Variants in EXOC2 observed in about 807,000 individuals in gnomAD.
The protein encoded by EXOC2 is exocyst complex component 2.
A neutral mutation model predicts 131.8 loss-of-function variants in EXOC2; 70 were observed. The observed-to-expected ratio is 0.53, with a 90% confidence interval of 0.44 to 0.65. The LOEUF is 0.65. Ranked by LOEUF, EXOC2 falls within the 30% of genes least tolerant of loss-of-function variation. The pLI is 0.00. For synonymous variants in EXOC2, 411 were observed against 398.4 expected (o/e 1.03, Z -0.38); for missense variants, 923 against 1,108.6 (o/e 0.83, Z 2.38).
chr6:658,057 T>C (rs1436385458), intron 1 of EXOC2, among the ~76,000 whole-genome samples: 1 of 152,218 alleles, frequency 6.6e-6, no homozygotes, highest in Non-Finnish European at 1.5e-5. Flanking sequence ...GGTACTTTAA[T>C]GTTATCTGTT....
chr6:576,399 T>C (rs1018552839), intron 12 of EXOC2, among the ~76,000 whole-genome samples: 5 of 152,304 alleles, frequency 3.3e-5, no homozygotes, highest in Non-Finnish European at 2.9e-5. Flanking sequence ...TCAAAAAAGG[T>C]ATACTGATAC....
intron 4 of EXOC2, among the ~76,000 whole-genome samples, chr6:623,289 G>A (rs968266605): frequency 2.0e-5 from 3 of 152,186 alleles, no homozygotes; most frequent in Non-Finnish European, 4.4e-5. Context: ...CCCCTACCCG[G>A]ATGCGTCGTT....
At chr6:590,358 G>C (rs1156963389) in intron 11 of EXOC2, among the ~76,000 whole-genome samples, 1 of 152,090 alleles carries the variant, frequency 6.6e-6, no homozygotes, top group Non-Finnish European at 1.5e-5. Context: ...GAGATACCTG[G>C]GTTTTCTTAA....
chr6:684,920 T>A, intron 1 of EXOC2, among the ~76,000 whole-genome samples: 1 of 152,148 alleles, frequency 6.6e-6, no homozygotes, highest in Non-Finnish European at 1.5e-5. Context: ...CTGAACAAAA[T>A]GAGTGATCAC....
intron 1 of EXOC2, among the ~76,000 whole-genome samples, chr6:674,037 T>C (rs986697748): frequency 2.6e-5 from 4 of 152,284 alleles, no homozygotes; most frequent in South Asian, 2.1e-4. Context: ...AAATGAGAAA[T>C]TGAGAACTAC....
chr6:505,777 G>A (rs917661933), intron 23 of EXOC2, among the ~76,000 whole-genome samples: 2 of 152,166 alleles, frequency 1.3e-5, no homozygotes, highest in Non-Finnish European at 2.9e-5. Flanking sequence ...TCTCATCATA[G>A]CCTCAGCTCC....
Position 485,566 on chromosome 6 carries a change from T to C in EXOC2, c.*1105A>G, listed in dbSNP as rs1762997737. On this transcript the variant is annotated 3_prime_UTR_variant, in exon 28 of 28. Coordinates refer to ENST00000230449, the MANE Select transcript of EXOC2 (RefSeq NM_018303.6). Reference sequence around the variant, plus strand: ...CTCTGAAAATTTTCAGATGCGACGGTATGAGGGAGTTGGGTGGGCCGCTGA... The same window carrying C: ...CTCTGAAAATTTTCAGATGCGACGGCATGAGGGAGTTGGGTGGGCCGCTGA... The C allele has an allele frequency of 6.6e-6, 1 of 152,054 alleles. No individual in the cohort carries two copies. Among genetic ancestry groups the C allele is most frequent in the Admixed American group, 6.5e-5 (1 of 15,276 alleles). 9.4% of individuals were successfully genotyped at this position (152,054 alleles called of 1,614,324 possible).
In EXOC2 at chr6:497,509, C is replaced by T; in HGVS notation, c.2437-20G>A. 1 of 1,602,150 alleles carries T rather than the reference C, an allele frequency of 6.2e-7. No individual in the cohort carries two copies. The highest frequency in any genetic ancestry group is 8.5e-7 in the Non-Finnish European group (1 of 1,175,540). On this transcript the variant is annotated intron_variant, in intron 24 of 27. Transcript: ENST00000230449. ...GAACACCTGGTTTGAAATAGGAAGA[C>T]ATGGTGCTTTGTGGGGCTTTTTGAC...
At chr6:551,685 G>T (rs1314808449) in intron 21 of EXOC2, among the ~76,000 whole-genome samples, 1 of 152,138 alleles carries the variant, frequency 6.6e-6, no homozygotes, top group Non-Finnish European at 1.5e-5. Context: ...TCTCCATTCG[G>T]GAGGCCCTCT....
intron 1 of EXOC2, among the ~76,000 whole-genome samples, chr6:663,533 C>G (rs1763508871): frequency 6.6e-6 from 1 of 152,116 alleles, no homozygotes; most frequent in Non-Finnish European, 1.5e-5. Flanking sequence ...ATGCTAAAAT[C>G]CTTAACAAAA....
intron 27 of EXOC2, among the ~76,000 whole-genome samples, chr6:488,206 C>T (rs905282483): frequency 2.0e-5 from 3 of 152,224 alleles, no homozygotes; most frequent in East Asian, 1.9e-4. Flanking sequence ...AGCTCCCCCC[C>T]ATGGCCCAGC....
chr6:502,205 C>G (rs921019143), intron 23 of EXOC2, among the ~76,000 whole-genome samples: 1 of 152,158 alleles, frequency 6.6e-6, no homozygotes, highest in Admixed American at 6.5e-5. Context: ...TTTCGATGCT[C>G]TAAGGAACAG....
In EXOC2 at chr6:656,606, C is replaced by T. The variant is rs765215769; in HGVS notation, c.-43-18745G>A. On this transcript the variant is annotated intron_variant, in intron 1 of 27. Transcript: ENST00000230449. ...GGGACGAGACCAGCTCCACCGCCAC[C>T]GTGAGGGAGGGGCGGCGCTTGTGGG... 2.5e-6 allele frequency: 4 copies of T among 1,597,772 alleles called. No individual in the cohort carries two copies. The South Asian group carries it at 4.5e-5, about 18-fold the overall frequency.
chr6:605,643 C>G (rs1760368030), intron 7 of EXOC2, among the ~76,000 whole-genome samples: 1 of 152,150 alleles, frequency 6.6e-6, no homozygotes, highest in African/African-American at 2.4e-5. Flanking sequence ...CTGATCTTTT[C>G]AAAAGCCAGC....
At position 572,565 on chromosome 6, in the gene EXOC2, G is replaced by C. The variant is rs1430992187; in HGVS notation, c.1398C>G (p.Phe466Leu). The change falls in exon 13 of 28, where the codon TTC becomes TTG. Residue 466 changes from phenylalanine to leucine, a missense_variant. Coordinates refer to ENST00000230449, the MANE Select transcript of EXOC2 (RefSeq NM_018303.6). ...TAACGTAGGAGATCCAGAGTTTCCA[G>C]AAGTTAGGCAGCTGGCTCAAGACGA... The part of the protein sequence containing the change: ...TKLVLSQLPN[F>L]WKLWISYVNG... 1 of 1,614,076 alleles carries C rather than the reference G, an allele frequency of 6.2e-7. No individual in the cohort carries two copies. The highest frequency in any genetic ancestry group is 8.5e-7 in the Non-Finnish European group (1 of 1,180,046).
At position 667,050 on chromosome 6, in the gene EXOC2, C is replaced by T. The variant is rs1236168907; in HGVS notation, c.-44+25969G>A. The stretch of plus-strand genomic sequence containing the variant: ...CACTGGTGTCATTCATTTTAATTAT[C>T]TATAAGCTATAATCACCGTAAGTTT... On this transcript the variant is annotated intron_variant, in intron 1 of 27. Coordinates refer to ENST00000230449, the MANE Select transcript of EXOC2 (RefSeq NM_018303.6). Among the ~76,000 whole-genome samples the T allele has an allele frequency of 3.1e-5, 3 of 96,636 alleles. 1 individual carries two copies. The highest frequency in any genetic ancestry group is 7.3e-5 in the Non-Finnish European group (3 of 40,902). The allele number at this position is 96,636 out of a possible 152,430, so 63.4% of individuals were successfully genotyped here.
chr6:690,129 C>T lies in EXOC2; in HGVS notation c.-44+2890G>A, dbSNP rs371696854. Among the ~76,000 whole-genome samples the T allele has an allele frequency of 1.1e-3, 170 of 152,226 alleles. 1 individual carries two copies. Among genetic ancestry groups the T allele is most frequent in the African/African-American group, 3.8e-3 (156 of 41,536 alleles). ...CCCAGCACTGGGAAGCTGAGGCCAG[C>T]GCATCACTTGCATTCAGGAGTTCAA... On this transcript the variant is annotated intron_variant, in intron 1 of 27. Coordinates refer to ENST00000230449, the MANE Select transcript of EXOC2 (RefSeq NM_018303.6).
intron 22 of EXOC2, among the ~76,000 whole-genome samples, chr6:533,294 C>T (rs1037257304): frequency 6.6e-6 from 1 of 152,122 alleles, no homozygotes; most frequent in Non-Finnish European, 1.5e-5. Context: ...TTGTAATAGC[C>T]AGTAAACTAC....
Position 553,235 on chromosome 6 carries a change from T to G in EXOC2, c.2121+619A>C, listed in dbSNP as rs534467924. On this transcript the variant is annotated intron_variant, in intron 21 of 27. Transcript: ENST00000230449. ...CCTGGCCAGAAAGGGTTATTTTATTTATGATAGCTAGAGTTTGAGTTTCAA... is the reference window on the plus strand; with the variant it reads ...CCTGGCCAGAAAGGGTTATTTTATTGATGATAGCTAGAGTTTGAGTTTCAA... Among the ~76,000 whole-genome samples, 9 of 152,296 alleles carry G rather than the reference T, an allele frequency of 5.9e-5. No homozygotes were observed. In the East Asian group the frequency reaches 1.7e-3, roughly 29 times the overall value.
Sources: gnomAD v4.1 joint callset for allele counts (sites outside exome capture counted in the v4.1 genomes callset) on GRCh38, gnomAD v4.1.1 for gene constraint, MANE v1.5 for transcripts, NCBI Gene and HGNC (gene_info 2026-07-23, HGNC 2026-07-21) for gene names.